The following ANKS1B variants were observed in gnomAD, a reference collection of about 807,000 sequenced individuals.
ANKS1B encodes the protein ankyrin repeat and sterile alpha motif domain containing 1B.
A neutral mutation model predicts 148.3 loss-of-function variants in ANKS1B; 36 were observed. The observed-to-expected ratio is 0.24, with a 90% confidence interval of 0.19 to 0.32. The LOEUF (loss-of-function observed/expected upper bound fraction) is 0.32. Ranked by LOEUF, ANKS1B falls within the 10% of genes least tolerant of loss-of-function variation. The pLI is 1.00. For synonymous variants in ANKS1B, 542 were observed against 560.8 expected, an observed-to-expected ratio of 0.97 and a Z score of 0.47; for missense variants, 1,157 against 1,542.6, an observed-to-expected ratio of 0.75 and a Z score of 4.19.
At chr12:99,423,636 A>G (rs1323874566) in intron 11 of ANKS1B, among the ~76,000 whole-genome samples, 1 of 152,148 alleles carries the variant, frequency 6.6e-6, no homozygotes, top group African/African-American at 2.4e-5. Flanking sequence ...CATATACACC[A>G]TGGAATATTA....
intron 1 of ANKS1B, among the ~76,000 whole-genome samples, chr12:99,939,039 T>C (rs2153814543): frequency 6.6e-6 from 1 of 152,300 alleles, no homozygotes; most frequent in East Asian, 1.9e-4. Context: ...TTTGGGGGCC[T>C]GCATTCATTA....
chr12:99,573,537 C>A (rs2097484308), intron 9 of ANKS1B, among the ~76,000 whole-genome samples: 1 of 151,994 alleles, frequency 6.6e-6, no homozygotes, highest in Non-Finnish European at 1.5e-5. Flanking sequence ...TTGTATGTAT[C>A]TGAAAAATCC....
intron 11 of ANKS1B, among the ~76,000 whole-genome samples, chr12:99,402,984 A>G (rs2094444434): frequency 2.1e-5 from 3 of 144,510 alleles, no homozygotes; most frequent in Admixed American, 1.4e-4. Context: ...AGCATGTGTT[A>G]TTTTTTGACT....
At chr12:99,562,801 G>A (rs940867014) in intron 9 of ANKS1B, among the ~76,000 whole-genome samples, 3 of 152,158 alleles carry the variant, frequency 2.0e-5, no homozygotes, top group East Asian at 1.9e-4. Flanking sequence ...CCCTCAATAC[G>A]TGGGTATTAC....
intron 17 of ANKS1B, among the ~76,000 whole-genome samples, chr12:99,044,693 T>A (rs1200138212): frequency 6.6e-6 from 1 of 152,046 alleles, no homozygotes; most frequent in African/African-American, 2.4e-5. Context: ...AGCGTAACTC[T>A]GGGGGAGGGA....
At chr12:99,184,930 T>G (rs188483168) in intron 14 of ANKS1B, among the ~76,000 whole-genome samples, 1 of 152,222 alleles carries the variant, frequency 6.6e-6, no homozygotes, top group Non-Finnish European at 1.5e-5. Context: ...AGCACAGTAG[T>G]TAGTATATAC....
intron 14 of ANKS1B, among the ~76,000 whole-genome samples, chr12:99,173,868 A>T (rs553961): frequency 0.85 from 128,907 of 151,968 alleles, 55,246 homozygotes; most frequent in East Asian, 1. Flanking sequence ...CCTATCATCT[A>T]CTGGGATAGG....
chr12:99,879,607 A>C (rs2092353646), intron 1 of ANKS1B, among the ~76,000 whole-genome samples: 1 of 152,174 alleles, frequency 6.6e-6, no homozygotes, highest in Admixed American at 6.5e-5. Flanking sequence ...TCATTGGTAT[A>C]TCCCTCTGCA....
At chr12:99,269,581 C>A (rs1353986947) in intron 12 of ANKS1B, among the ~76,000 whole-genome samples, 1 of 151,790 alleles carries the variant, frequency 6.6e-6, no homozygotes, top group Admixed American at 6.6e-5. Context: ...TTATTTGAGA[C>A]GGAGTCTCAC....
intron 11 of ANKS1B, among the ~76,000 whole-genome samples, chr12:99,406,449 G>C (rs2094534517): frequency 6.9e-6 from 1 of 145,548 alleles, no homozygotes; most frequent in South Asian, 2.1e-4. Flanking sequence ...AAGAAATTAA[G>C]AGGGGAATTT....
At chr12:99,821,819 T>C (rs190286513) in intron 2 of ANKS1B, among the ~76,000 whole-genome samples, 5 of 152,184 alleles carry the variant, frequency 3.3e-5, no homozygotes, top group African/African-American at 7.2e-5. Flanking sequence ...TTATATTACT[T>C]GGGCTGATTT....
chr12:99,914,560 CT>C (rs2094110996), intron 1 of ANKS1B, among the ~76,000 whole-genome samples: 1 of 152,054 alleles, frequency 6.6e-6, no homozygotes, highest in Non-Finnish European at 1.5e-5. Context: ...TAAAATGAAC[CT>C]TATCTCTGGC....
intron 8 of ANKS1B, among the ~76,000 whole-genome samples, chr12:99,658,641 T>A (rs769636900): frequency 6.6e-6 from 1 of 152,182 alleles, no homozygotes; most frequent in Non-Finnish European, 1.5e-5. Context: ...CCAAGCTTTG[T>A]GATTTTGAGC....
At chr12:99,108,248 G>C (rs1003775992) in intron 15 of ANKS1B, among the ~76,000 whole-genome samples, 1 of 152,202 alleles carries the variant, frequency 6.6e-6, no homozygotes, top group African/African-American at 2.4e-5. Flanking sequence ...AATGCACTTT[G>C]TGCAAACCTC....
At chr12:99,978,835 A>G (rs898280596) in intron 1 of ANKS1B, among the ~76,000 whole-genome samples, 2 of 152,094 alleles carry the variant, frequency 1.3e-5, no homozygotes, top group African/African-American at 4.8e-5. Flanking sequence ...TCACATGGGG[A>G]TCTTAAGAAC....
chr12:99,791,132 T>C (rs186249502), intron 4 of ANKS1B, among the ~76,000 whole-genome samples: 6 of 152,090 alleles, frequency 3.9e-5, no homozygotes, highest in African/African-American at 1.2e-4. Context: ...GCTATACTTA[T>C]ATTAGGCAAA....
intron 12 of ANKS1B, among the ~76,000 whole-genome samples, chr12:99,247,811 T>A (rs1335043051): frequency 6.6e-6 from 1 of 152,216 alleles, no homozygotes; most frequent in Non-Finnish European, 1.5e-5. Context: ...TTTTAATTCA[T>A]ATCAATAGCT....
At chr12:99,542,043 A>C (rs1188653430) in intron 9 of ANKS1B, among the ~76,000 whole-genome samples, 1 of 152,206 alleles carries the variant, frequency 6.6e-6, no homozygotes, top group African/African-American at 2.4e-5. Flanking sequence ...TTTCCATTCA[A>C]CATTGTACTG....
chr12:99,153,861 C>T (rs1304853283), intron 15 of ANKS1B, among the ~76,000 whole-genome samples: 1 of 152,076 alleles, frequency 6.6e-6, no homozygotes, highest in Non-Finnish European at 1.5e-5. Flanking sequence ...ATCTTCACAC[C>T]ATAAACACAA....
Sources: gnomAD v4.1 joint callset for allele counts (sites outside exome capture counted in the v4.1 genomes callset) on GRCh38, gnomAD v4.1.1 for gene constraint, MANE v1.5 for transcripts, NCBI Gene and HGNC (gene_info 2026-07-23, HGNC 2026-07-21) for gene names.